The following THSD7B variants were observed in gnomAD, a reference collection of about 807,000 sequenced individuals.
The protein encoded by THSD7B is thrombospondin type 1 domain containing 7B.
A neutral mutation model predicts 213.6 loss-of-function variants in THSD7B; 138 were observed. That is an observed-to-expected ratio of 0.65 (90% CI 0.56 to 0.74). The LOEUF is 0.74. THSD7B is among the 30% of genes least tolerant of loss of function. THSD7B has a pLI of 0.00. For synonymous variants in THSD7B, 742 were observed against 687.0 expected, an observed-to-expected ratio of 1.08 and a Z score of -1.25; for missense variants, 1,931 against 1,991.5, an observed-to-expected ratio of 0.97 and a Z score of 0.58.
chr2:137,670,982 T>C (rs564780808), intron 27 of THSD7B, among the ~76,000 whole-genome samples: 1 of 150,300 alleles, frequency 6.7e-6, no homozygotes, highest in South Asian at 2.1e-4. Context: ...ATATTCATAA[T>C]AGAATTTTAT....
chr2:137,571,821 T>A (rs1681360391), intron 16 of THSD7B, among the ~76,000 whole-genome samples: 1 of 152,210 alleles, frequency 6.6e-6, no homozygotes, highest in Admixed American at 6.5e-5. Context: ...GCCCTTTGTT[T>A]TTTTTTGATT....
chr2:137,129,600 T>A (rs916718259), intron 5 of THSD7B, among the ~76,000 whole-genome samples: 6 of 152,024 alleles, frequency 3.9e-5, no homozygotes, highest in Non-Finnish European at 8.8e-5. Context: ...CCACCACACC[T>A]AGCTAATTTA....
intron 6 of THSD7B, among the ~76,000 whole-genome samples, chr2:137,161,686 T>C (rs1427030053): frequency 6.6e-6 from 1 of 152,152 alleles, no homozygotes; most frequent in Admixed American, 6.5e-5. Flanking sequence ...CTTGGGCAAT[T>C]CTCTTATTTG....
chr2:137,605,122 G>A (rs1682147397), intron 17 of THSD7B, among the ~76,000 whole-genome samples: 1 of 152,142 alleles, frequency 6.6e-6, no homozygotes, highest in Non-Finnish European at 1.5e-5. Flanking sequence ...TGGACAAAAT[G>A]GACCTTCTCA....
At chr2:137,229,697 T>C (rs143040955) in intron 7 of THSD7B, among the ~76,000 whole-genome samples, 1 of 152,030 alleles carries the variant, frequency 6.6e-6, no homozygotes, top group East Asian at 1.9e-4. Flanking sequence ...AGTCAGAGGG[T>C]TCGGATTTGC....
intron 1 of THSD7B, among the ~76,000 whole-genome samples, chr2:136,873,775 A>G (rs1372712971): frequency 6.6e-6 from 1 of 152,162 alleles, no homozygotes; most frequent in Non-Finnish European, 1.5e-5. Context: ...CTTTATATAC[A>G]TGCTTCTGTA....
chr2:137,400,422 A>T (rs1686326376), intron 12 of THSD7B, among the ~76,000 whole-genome samples: 1 of 151,906 alleles, frequency 6.6e-6, no homozygotes. Context: ...TATGGCTATG[A>T]TGGTTGGGTA....
At chr2:136,868,263 C>A (rs914019078) in intron 1 of THSD7B, among the ~76,000 whole-genome samples, 1 of 152,128 alleles carries the variant, frequency 6.6e-6, no homozygotes, top group Non-Finnish European at 1.5e-5. Context: ...TGCATTTCAA[C>A]TTAATTTAGG....
intron 15 of THSD7B, among the ~76,000 whole-genome samples, chr2:137,546,444 TTATATATATATTATATATAA>T (rs1558834428): frequency 6.0e-4 from 17 of 28,386 alleles, no homozygotes; most frequent in African/African-American, 2.3e-3. Flanking sequence ...ATTATATATA[TTATATATATATTATATATAA>T]TATATATATA....
Position 137,657,148 on chromosome 2 carries a change from G to A in THSD7B, c.4363G>A (p.Val1455Ile), listed in dbSNP as rs147732921. ...TGTATGGTGCCAGCGTTCAGATGGCGTTAATGTCACAGGTATTCCTGCCTA... is the reference window on the plus strand; with the variant it reads ...TGTATGGTGCCAGCGTTCAGATGGCATTAATGTCACAGGTATTCCTGCCTA... ...RTVWCQRSDG[V>I]NVTGGCSPQA... is the part of the protein sequence containing the mutation. Residue 1455 changes from valine to isoleucine, a missense_variant, in exon 24 of 28, where the codon GTT becomes ATT. Physicochemically the swap from Val to Ile is conservative, Grantham distance 29. Transcript: ENST00000409968. The A allele has an allele frequency of 6.1e-5, 98 of 1,613,968 alleles. No individual in the cohort carries two copies. Among genetic ancestry groups the A allele is most frequent in the South Asian group, 2.6e-4 (24 of 91,074 alleles).
At chr2:137,324,938 T>C (rs1684334721) in intron 12 of THSD7B, among the ~76,000 whole-genome samples, 1 of 152,214 alleles carries the variant, frequency 6.6e-6, no homozygotes, top group African/African-American at 2.4e-5. Context: ...TCCTTGCGAA[T>C]AGAGGTCAGC....
chr2:137,412,842 C>G (rs1461079652), intron 14 of THSD7B, among the ~76,000 whole-genome samples: 2 of 150,430 alleles, frequency 1.3e-5, no homozygotes, highest in African/African-American at 4.9e-5. Context: ...CAGGCTGAAA[C>G]CAATCATTAC....
At chr2:137,134,171 T>C (rs1688790122) in intron 5 of THSD7B, among the ~76,000 whole-genome samples, 1 of 152,234 alleles carries the variant, frequency 6.6e-6, no homozygotes, top group Non-Finnish European at 1.5e-5. Context: ...AGTGAGGCTT[T>C]GGACTGGCGG....
chr2:137,641,898 A>G (rs111449918), intron 20 of THSD7B, among the ~76,000 whole-genome samples: 1 of 152,342 alleles, frequency 6.6e-6, no homozygotes, highest in Middle Eastern at 3.4e-3. Context: ...TCTGTTTTGA[A>G]TTAATTAAAA....
rs560043245 is a variant in THSD7B, at chr2:136,952,019, A to G, written c.139+69702A>G. Among the ~76,000 whole-genome samples the G allele has an allele frequency of 1.4e-4, 21 of 152,034 alleles. No individual in the cohort carries two copies. In the South Asian group the frequency reaches 4.4e-3, roughly 32 times the overall value. On this transcript the variant is annotated intron_variant, in intron 2 of 27. Transcript: ENST00000409968. ...TGAGTAGCTGGAACTACAGGCACGC[A>G]CCATCACGCCCAGCTAATTTTTGTA...
intron 15 of THSD7B, among the ~76,000 whole-genome samples, chr2:137,483,323 A>G (rs1688349593): frequency 6.6e-6 from 1 of 152,230 alleles, no homozygotes; most frequent in Non-Finnish European, 1.5e-5. Flanking sequence ...GTAATTACTG[A>G]AAGTTACATA....
At chr2:137,427,227 T>A (rs1484708371) in intron 14 of THSD7B, among the ~76,000 whole-genome samples, 1 of 152,152 alleles carries the variant, frequency 6.6e-6, no homozygotes, top group African/African-American at 2.4e-5. Flanking sequence ...TGGAAAACAG[T>A]ATGGAGTTTC....
intron 15 of THSD7B, among the ~76,000 whole-genome samples, chr2:137,496,854 T>C (rs1222764327): frequency 6.6e-6 from 1 of 152,180 alleles, no homozygotes; most frequent in Non-Finnish European, 1.5e-5. Context: ...GTGCCTATCA[T>C]GTGCCCGGTC....
intron 1 of THSD7B, among the ~76,000 whole-genome samples, chr2:136,865,396 A>G (rs1355204584): frequency 6.6e-6 from 1 of 152,208 alleles, no homozygotes; most frequent in African/African-American, 2.4e-5. Context: ...ACCTATTTCA[A>G]TTTGAGATCC....
Sources: gnomAD v4.1 joint callset for allele counts (sites outside exome capture counted in the v4.1 genomes callset) on GRCh38, gnomAD v4.1.1 for gene constraint, MANE v1.5 for transcripts, NCBI Gene and HGNC (gene_info 2026-07-23, HGNC 2026-07-21) for gene names.